The following WWP1 variants were observed in gnomAD, a reference collection of about 807,000 sequenced individuals.
WWP1 encodes NEDD4-like E3 ubiquitin-protein ligase WWP1.
Under a neutral mutation model 130.6 loss-of-function variants are expected in WWP1, and 49 were observed. The observed-to-expected ratio is 0.38, with a 90% CI of 0.30 to 0.48. WWP1 has a LOEUF of 0.48. Ranked by LOEUF, WWP1 falls within the 20% of genes least tolerant of loss-of-function variation. WWP1 has a pLI of 0.99. For missense variants in WWP1, 809 were observed against 1,100.6 expected (o/e 0.74, Z 3.75); for synonymous variants, 332 against 367.8 (o/e 0.90, Z 1.11).
chr8:86,344,413 G>A (rs1299701176), intron 1 of WWP1, among the ~76,000 whole-genome samples: 4 of 152,138 alleles, frequency 2.6e-5, no homozygotes, highest in Admixed American at 2.6e-4. Context: ...ACCCCACGGT[G>A]GCTGAAATTT....
Position 86,374,018 on chromosome 8 carries a change from T to C in WWP1, c.-21-12T>C. On this transcript the variant is annotated splice_polypyrimidine_tract_variant and intron_variant, in intron 2 of 24. Coordinates refer to ENST00000517970, the MANE Select transcript of WWP1 (RefSeq NM_007013.4). ...ATCTAACACATGAATAAATTCCCCT[T>C]TTTTAAAATAGGTTTTAGCTGAATT... 1 of 1,580,810 alleles carries C rather than the reference T, an allele frequency of 6.3e-7. No individual in the cohort carries two copies. Among genetic ancestry groups the C allele is most frequent in the Non-Finnish European group, 8.6e-7 (1 of 1,166,826 alleles).
intron 5 of WWP1, among the ~76,000 whole-genome samples, chr8:86,389,871 G>A (rs1825533642): frequency 6.6e-6 from 1 of 151,780 alleles, no homozygotes; most frequent in South Asian, 2.1e-4. Flanking sequence ...CGGCTGGCCG[G>A]GCGGGGGCTG....
chr8:86,365,836 C>G (rs1317324193), intron 1 of WWP1, among the ~76,000 whole-genome samples: 1 of 152,134 alleles, frequency 6.6e-6, no homozygotes, highest in Non-Finnish European at 1.5e-5. Flanking sequence ...CACATAGCTT[C>G]TTTCCCAAAT....
chr8:86,412,733 T>C (rs1808657437), intron 9 of WWP1, among the ~76,000 whole-genome samples: 1 of 151,744 alleles, frequency 6.6e-6, no homozygotes, highest in Non-Finnish European at 1.5e-5. Flanking sequence ...TTTTTCTCAG[T>C]GCCCTTTACT....
intron 3 of WWP1, among the ~76,000 whole-genome samples, chr8:86,378,315 A>G (rs1374802694): frequency 6.6e-6 from 1 of 152,138 alleles, no homozygotes; most frequent in South Asian, 2.1e-4. Context: ...CAAATCTAGG[A>G]ATATATCATA....
chr8:86,442,460 C>A, intron 17 of WWP1, 159 bp from the exon 18 acceptor site: 1 of 570,690 alleles, frequency 1.8e-6, no homozygotes, highest in Non-Finnish European at 2.7e-6. Context: ...AATGGAGAGC[C>A]AGATCATAGA....
chr8:86,452,453 A>G (rs779964250), intron 20 of WWP1, 106 bp from the exon 21 acceptor site: 3 of 929,632 alleles, frequency 3.2e-6, no homozygotes, highest in Admixed American at 2.8e-5. Flanking sequence ...GTTTATATAT[A>G]TGGCATATTT....
At chr8:86,364,623 T>C (rs1345427069) in intron 1 of WWP1, among the ~76,000 whole-genome samples, 1 of 151,992 alleles carries the variant, frequency 6.6e-6, no homozygotes, top group Non-Finnish European at 1.5e-5. Flanking sequence ...CTGGGTAACA[T>C]AGACCCCATC....
At chr8:86,461,880 G>A (rs773045444) in intron 24 of WWP1, 34 bp downstream of exon 24, 2 of 1,533,160 alleles carry the variant, frequency 1.3e-6, no homozygotes, top group South Asian at 2.3e-5. Context: ...GAAGGTGAAA[G>A]CCACAGAGAA....
At chr8:86,459,084 C>T (rs1290998703) in intron 22 of WWP1, among the ~76,000 whole-genome samples, 3 of 126,506 alleles carry the variant, frequency 2.4e-5, no homozygotes, top group Non-Finnish European at 4.6e-5. Flanking sequence ...GGCTGGAGTG[C>T]AGTGACAGGA....
chr8:86,372,647 A>G (rs1586287019), intron 2 of WWP1, among the ~76,000 whole-genome samples: 2 of 151,954 alleles, frequency 1.3e-5, no homozygotes, highest in South Asian at 4.2e-4. Context: ...TTTTTTCCAT[A>G]TGGATAATTC....
At chr8:86,373,638 A>G (rs1026456600) in intron 2 of WWP1, among the ~76,000 whole-genome samples, 1 of 152,172 alleles carries the variant, frequency 6.6e-6, no homozygotes, top group Non-Finnish European at 1.5e-5. Flanking sequence ...TCTTCGTCTT[A>G]GGTACTCCCA....
intron 24 of WWP1, 129 bp from the exon 25 acceptor site, chr8:86,466,665 T>C (rs1179486182): frequency 2.1e-6 from 1 of 486,778 alleles, no homozygotes. Flanking sequence ...CTCTAAATAC[T>C]TCTGGCAAAA....
At chr8:86,427,608 A>G in intron 10 of WWP1, 35 bp from the exon 11 acceptor site, 2 of 1,511,886 alleles carry the variant, frequency 1.3e-6, no homozygotes, top group Non-Finnish European at 1.8e-6. Flanking sequence ...TCTTATATTG[A>G]GAGATTATTG....
intron 7 of WWP1, among the ~76,000 whole-genome samples, chr8:86,399,709 A>G (rs535158245): frequency 2.0e-5 from 3 of 152,326 alleles, no homozygotes; most frequent in East Asian, 1.9e-4. Flanking sequence ...AATGTTGTCA[A>G]TTGCATAGTA....
At chr8:86,364,861 GAAGA>G (rs1823877145) in intron 1 of WWP1, among the ~76,000 whole-genome samples, 1 of 150,050 alleles carries the variant, frequency 6.7e-6, no homozygotes, top group Non-Finnish European at 1.5e-5. Flanking sequence ...GAGAGAGAAA[GAAGA>G]AAGAGAGAAA....
intron 17 of WWP1, among the ~76,000 whole-genome samples, chr8:86,442,051 A>G (rs1008260128): frequency 6.6e-6 from 1 of 152,212 alleles, no homozygotes; most frequent in Admixed American, 6.5e-5. Flanking sequence ...CAATAAAGTT[A>G]AAAGTGTTAA....
intron 1 of WWP1, among the ~76,000 whole-genome samples, chr8:86,358,006 T>TG (rs1317241391): frequency 6.6e-6 from 1 of 152,206 alleles, no homozygotes. Flanking sequence ...CTTAAACTTT[T>TG]GGGGTCTAAT....
intron 2 of WWP1, among the ~76,000 whole-genome samples, chr8:86,371,381 A>G (rs555317568): frequency 1.3e-5 from 2 of 152,368 alleles, no homozygotes; most frequent in East Asian, 1.9e-4. Context: ...ATTGAAGGGC[A>G]TACAAATGTT....
Sources: allele counts gnomAD v4.1 joint callset (sites outside exome capture counted in the v4.1 genomes callset), GRCh38; gene constraint gnomAD v4.1.1; transcripts MANE v1.5; gene names NCBI Gene and HGNC (gene_info 2026-07-23, HGNC 2026-07-21).